Variants in SCARB2 observed in about 807,000 individuals in gnomAD.
SCARB2 encodes the protein lysosome membrane protein 2.
Under a neutral mutation model 58.6 loss-of-function variants are expected in SCARB2, and 29 were observed. The ratio of observed to expected loss-of-function variants is 0.49; its 90% CI spans 0.37 to 0.67. The LOEUF is 0.67. Ranked by LOEUF, SCARB2 falls within the 30% of genes least tolerant of loss-of-function variation. The pLI, the probability that SCARB2 is intolerant of heterozygous loss-of-function variation, is 0.00. For missense variants in SCARB2, 488 were observed against 578.5 expected, an observed-to-expected ratio of 0.84 and a Z score of 1.60; for synonymous variants, 195 against 210.1, an observed-to-expected ratio of 0.93 and a Z score of 0.62.
chr4:76,172,134 C>T (rs1049055419), intron 7 of SCARB2, among the ~76,000 whole-genome samples: 1 of 148,106 alleles, frequency 6.8e-6, no homozygotes, highest in Non-Finnish European at 1.5e-5. Flanking sequence ...TTAACATATA[C>T]ATACATAAAT....
Position 76,161,120 on chromosome 4 carries a change from T to C in SCARB2, c.*593A>G, listed in dbSNP as rs17001550. ...CCATTTGATTCTACCCAGTATTTTA[T>C]TGCAGTTGGAAGACTGAGTTTTCCT... On this transcript the variant is annotated 3_prime_UTR_variant, in exon 12 of 12. Transcript: ENST00000264896. 1,203 of 157,610 alleles carry C rather than the reference T, an allele frequency of 7.6e-3. 15 individuals carry two copies. The highest frequency in any genetic ancestry group is 0.025 in the African/African-American group (1,057 of 41,580). The allele number at this position is 157,610 out of a possible 1,614,324, so 9.8% of individuals were successfully genotyped here.
intron 2 of SCARB2, among the ~76,000 whole-genome samples, chr4:76,189,637 T>C (rs1484102638): frequency 1.3e-5 from 2 of 151,992 alleles, no homozygotes; most frequent in Non-Finnish European, 2.9e-5. Flanking sequence ...AATTTTTTTT[T>C]CTTTTTGTAT....
Position 76,179,590 on chromosome 4 carries a change from T to C in SCARB2, c.539A>G (p.Tyr180Cys), listed in dbSNP as rs1456026059. The C allele has an allele frequency of 6.2e-7, 1 of 1,614,204 alleles. No individual in the cohort carries two copies. Among genetic ancestry groups the C allele is most frequent in the East Asian group, 2.2e-5 (1 of 44,886 alleles). ...THTVDELLWG[Y>C]KDEILSLIHV... ...GATAAGGGACAAGATTTCATCTTTG[T>C]AGCCCCAGAGCAATTCGTCAACTGT... The change falls in exon 4 of 12, where the codon TAC becomes TGC. Residue 180 changes from tyrosine (Y) to cysteine (C), a missense_variant. Coordinates refer to ENST00000264896, the MANE Select transcript of SCARB2 (RefSeq NM_005506.4).
At chr4:76,207,444 T>C (rs1732951491) in intron 1 of SCARB2, among the ~76,000 whole-genome samples, 2 of 152,234 alleles carry the variant, frequency 1.3e-5, no homozygotes, top group Non-Finnish European at 2.9e-5. Flanking sequence ...TAGTGTTATA[T>C]CCATAGCTCT....
chr4:76,159,695 C>G lies in SCARB2; in HGVS notation c.*2018G>C, dbSNP rs995732136. 6.6e-6 allele frequency: 1 copy of G among 152,190 alleles called. No individual in the cohort carries two copies. The highest frequency in any genetic ancestry group is 1.9e-4 in the East Asian group (1 of 5,200). 9.4% of individuals were successfully genotyped at this position (152,190 alleles called of 1,614,324 possible). ...CGAGATCATGCCACTGTACTCCAGCCTGGCGACAGAGTGAGACTCTCTCAA... is the reference window on the plus strand; with the variant it reads ...CGAGATCATGCCACTGTACTCCAGCGTGGCGACAGAGTGAGACTCTCTCAA... On this transcript the variant is annotated 3_prime_UTR_variant, in exon 12 of 12. Coordinates refer to ENST00000264896, the MANE Select transcript of SCARB2 (RefSeq NM_005506.4).
chr4:76,212,296 T>C (rs983961218), intron 1 of SCARB2, among the ~76,000 whole-genome samples: 2 of 152,196 alleles, frequency 1.3e-5, no homozygotes, highest in Non-Finnish European at 2.9e-5. Context: ...TTGTCTTCCC[T>C]TGGCAATGTG....
At chr4:76,167,680 C>G (rs1474755476) in intron 9 of SCARB2, among the ~76,000 whole-genome samples, 14 of 124,392 alleles carry the variant, frequency 1.1e-4, no homozygotes, top group Non-Finnish European at 1.5e-4. Context: ...CCTCCCCCCC[C>G]CCGCTTTTTT....
upstream of SCARB2, chr4:76,214,015 A>G (rs1346479935): frequency 8.3e-6 from 2 of 242,320 alleles, no homozygotes; most frequent in Non-Finnish European, 1.6e-5. Context: ...GCGGCGCCTG[A>G]GCCAGGCCCG....
At chr4:76,179,375 A>G (rs1732331311) in intron 4 of SCARB2, 142 bp downstream of exon 4, 2 of 696,272 alleles carry the variant, frequency 2.9e-6, no homozygotes, top group Non-Finnish European at 5.0e-6. Context: ...TTCTTTCCAA[A>G]AAACACTCCA....
intron 1 of SCARB2, among the ~76,000 whole-genome samples, chr4:76,210,318 GA>G (rs1327426509): frequency 6.6e-6 from 1 of 151,860 alleles, no homozygotes; most frequent in Non-Finnish European, 1.5e-5. Context: ...CTTAGGGACA[GA>G]AAAAAAATGT....
At chr4:76,196,307 C>T (rs1415214405) in intron 1 of SCARB2, among the ~76,000 whole-genome samples, 1 of 152,124 alleles carries the variant, frequency 6.6e-6, no homozygotes, top group Non-Finnish European at 1.5e-5. Flanking sequence ...GAGCCAAGAT[C>T]GTGCCACTGC....
At position 76,213,733 on chromosome 4, in the gene SCARB2, G is replaced by T. The variant is rs754587701; in HGVS notation, c.-190C>A. 1.8e-5 allele frequency: 9 copies of T among 491,468 alleles called. No individual in the cohort carries two copies. The highest frequency in any genetic ancestry group is 4.4e-5 in the Admixed American group (1 of 22,888). 30.4% of individuals were successfully genotyped at this position (491,468 alleles called of 1,614,324 possible). On this transcript the variant is annotated 5_prime_UTR_variant, in exon 1 of 12. Coordinates refer to ENST00000264896, the MANE Select transcript of SCARB2 (RefSeq NM_005506.4). ...GCGAGCGCGGCCCCGGGTGCACCGGGCGGATGGGGCCGCGGAGGGACGGGC... is the reference window on the plus strand; with the variant it reads ...GCGAGCGCGGCCCCGGGTGCACCGGTCGGATGGGGCCGCGGAGGGACGGGC...
chr4:76,216,466 A>T (rs1397616406), upstream of SCARB2, among the ~76,000 whole-genome samples: 1 of 151,384 alleles, frequency 6.6e-6, no homozygotes, highest in Non-Finnish European at 1.5e-5. Flanking sequence ...ATAGGTACCC[A>T]CTCCTCCCAT....
chr4:76,160,932 A>G lies in SCARB2; in HGVS notation c.*781T>C, dbSNP rs552682881. On this transcript the variant is annotated 3_prime_UTR_variant, in exon 12 of 12. Transcript: ENST00000264896. ...TTGACTAAAAAAAAAACAGTTAACT[A>G]TCCACAAGCATCATAACTAGCAATT... 2 of 152,318 alleles carry G rather than the reference A, an allele frequency of 1.3e-5. No homozygotes were observed. Among genetic ancestry groups the G allele is most frequent in the African/African-American group, 4.8e-5 (2 of 41,580 alleles). 9.4% of individuals were successfully genotyped at this position (152,318 alleles called of 1,614,324 possible).
At chr4:76,214,810 C>T (rs1005522160), upstream of SCARB2, among the ~76,000 whole-genome samples, 1 of 152,214 alleles carries the variant, frequency 6.6e-6, no homozygotes, top group African/African-American at 2.4e-5. Flanking sequence ...TTGTCCCAGT[C>T]CTCCAGAAAC....
chr4:76,222,523 C>T (rs999102743), intron 1 of SCARB2, among the ~76,000 whole-genome samples: 4 of 152,200 alleles, frequency 2.6e-5, no homozygotes, highest in Admixed American at 6.5e-5. Context: ...CCACCGTGCC[C>T]GGCCTTTTTC....
At chr4:76,214,887 G>C (rs1199599546), upstream of SCARB2, among the ~76,000 whole-genome samples, 1 of 152,238 alleles carries the variant, frequency 6.6e-6, no homozygotes, top group African/African-American at 2.4e-5. Context: ...CTGGGATGCA[G>C]GTGTGATCCT....
chr4:76,186,250 G>A lies in SCARB2; in HGVS notation c.276-5149C>T, dbSNP rs561903064. Among the ~76,000 whole-genome samples, 410 of 152,242 alleles carry A rather than the reference G, an allele frequency of 2.7e-3. 1 individual carries two copies. Among genetic ancestry groups the A allele is most frequent in the African/African-American group, 8.7e-3 (361 of 41,552 alleles). ...GGGCTTCTGCAGGTGGGAGGGTGAA[G>A]GGGGTGTTCCAACAGAGGCAGCGGT... On this transcript the variant is annotated intron_variant, in intron 2 of 11. Transcript: ENST00000264896.
intron 1 of SCARB2, among the ~76,000 whole-genome samples, chr4:76,199,076 C>T (rs908323331): frequency 5.3e-5 from 8 of 152,170 alleles, no homozygotes; most frequent in African/African-American, 1.4e-4. Context: ...AAGTCAGGTG[C>T]TATGCTAGGG....
Sources: gnomAD v4.1 joint callset for allele counts (sites outside exome capture counted in the v4.1 genomes callset) on GRCh38, gnomAD v4.1.1 for gene constraint, MANE v1.5 for transcripts, NCBI Gene and HGNC (gene_info 2026-07-23, HGNC 2026-07-21) for gene names.